IPO9: variants seen among roughly 807,000 people sequenced by gnomAD.
IPO9 encodes importin-9.
Under a neutral mutation model 128.6 loss-of-function variants are expected in IPO9, and 28 were observed. The ratio of observed to expected loss-of-function variants is 0.22; its 90% CI spans 0.16 to 0.30. The LOEUF is 0.30. IPO9 is among the 10% of genes least tolerant of loss of function. The pLI is 1.00. For synonymous variants in IPO9, 455 were observed against 475.8 expected, an observed-to-expected ratio of 0.96 and a Z score of 0.57; for missense variants, 935 against 1,293.9, an observed-to-expected ratio of 0.72 and a Z score of 4.26.
At chr1:201,830,877 ACTGT>A (rs1304554638) in intron 1 of IPO9, among the ~76,000 whole-genome samples, 3 of 152,242 alleles carry the variant, frequency 2.0e-5, no homozygotes, top group African/African-American at 4.8e-5. Flanking sequence ...TTGTATTTAA[ACTGT>A]CTTACAACAA....
At chr1:201,829,621 T>C in intron 1 of IPO9, 1 of 369,450 alleles carries the variant, frequency 2.7e-6, no homozygotes, top group Non-Finnish European at 4.9e-6. Flanking sequence ...CTTGAAAAGA[T>C]AGATGGAGCC....
At chr1:201,831,188 A>G (rs2102865092) in intron 1 of IPO9, among the ~76,000 whole-genome samples, 1 of 152,104 alleles carries the variant, frequency 6.6e-6, no homozygotes, top group East Asian at 1.9e-4. Flanking sequence ...CCTTTAAGTG[A>G]AAAATTAAAT....
chr1:201,847,536 C>T lies in IPO9; in HGVS notation c.226-16C>T. 6.2e-7 allele frequency: 1 copy of T among 1,608,782 alleles called. No homozygotes were observed. The highest frequency in any genetic ancestry group is 8.5e-7 in the Non-Finnish European group (1 of 1,175,354). ...ATCTTTTTCTTGCTGTACTACTTGG[C>T]TTATTCTCTTCACAGCTGGCATCAG... is the stretch of plus-strand genomic sequence containing the variant. On this transcript the variant is annotated splice_polypyrimidine_tract_variant and intron_variant, in intron 2 of 23. Coordinates refer to ENST00000361565, the MANE Select transcript of IPO9 (RefSeq NM_018085.5).
rs181751470 is a variant in IPO9 at position 201,845,319 on chromosome 1, A to T, written c.164-1960A>T. Among the ~76,000 whole-genome samples, 5 of 152,276 alleles carry T rather than the reference A, an allele frequency of 3.3e-5. No individual in the cohort carries two copies. In the East Asian group the frequency reaches 9.6e-4, roughly 29 times the overall value. On this transcript the variant is annotated intron_variant, in intron 1 of 23. Transcript: ENST00000361565. ...GCGTGAGCCACCTTTCCCGGCCCTG[A>T]TACCAATATTCTTATTTTGTGGGTG...
In IPO9 at chr1:201,863,550, G is replaced by C; in HGVS notation, c.1571G>C (p.Gly524Ala). ...IQQFLQATVS[G>A]LHETQPPSVR... The stretch of plus-strand genomic sequence containing the variant: ...CAGTTCCTACAGGCAACAGTTAGTG[G>C]TCTTCACGAGACACAGCCCCCATCA... The change falls in exon 14 of 24, where the codon GGT (glycine) becomes GCT (alanine). Residue 524 changes from glycine (G) to alanine (A), a missense_variant. Around this residue, in one of 3 missense-constraint regions of IPO9, gnomAD observed 741 missense variants for 1,019.1 expected, o/e 0.73. Coordinates refer to ENST00000361565, the MANE Select transcript of IPO9 (RefSeq NM_018085.5). 6.2e-7 allele frequency: 1 copy of C among 1,606,474 alleles called. No individual in the cohort carries two copies. Among genetic ancestry groups the C allele is most frequent in the East Asian group, 2.2e-5 (1 of 44,648 alleles).
In IPO9 at chr1:201,863,428, T is replaced by C. The variant is rs772224959; in HGVS notation, c.1469-20T>C. The stretch of plus-strand genomic sequence containing the variant: ...GGAATTTTCATTTTCCAGCCCCTAA[T>C]TGTTCTGTCTTTCTCCCAGTGTCTC... On this transcript the variant is annotated intron_variant, in intron 13 of 23. Transcript: ENST00000361565. 2.6e-6 allele frequency: 4 copies of C among 1,547,628 alleles called. No homozygotes were observed. The Admixed American group carries it at 6.9e-5, about 27-fold the overall frequency.
Position 201,876,169 on chromosome 1 carries a change from G to A in IPO9, c.*115G>A. ...ACCTAAAGTGGCATCTTGACCCTTGGCCCTTGGCCTCGGCAGTGACACTGA... is the reference window on the plus strand; with the variant it reads ...ACCTAAAGTGGCATCTTGACCCTTGACCCTTGGCCTCGGCAGTGACACTGA... On this transcript the variant is annotated 3_prime_UTR_variant, in exon 24 of 24. Coordinates refer to ENST00000361565, the MANE Select transcript of IPO9 (RefSeq NM_018085.5). 1.2e-6 allele frequency: 1 copy of A among 809,182 alleles called. No individual in the cohort carries two copies. The highest frequency in any genetic ancestry group is 2.2e-6 in the Non-Finnish European group (1 of 447,150). The allele number at this position is 809,182 out of a possible 1,614,324, so 50.1% of individuals were successfully genotyped here. A position where few individuals can be genotyped will look rare whatever the true frequency, so the allele number is the denominator to read the frequency against.
At chr1:201,841,316 A>C (rs1224367410) in intron 1 of IPO9, among the ~76,000 whole-genome samples, 1 of 152,196 alleles carries the variant, frequency 6.6e-6, no homozygotes, top group Non-Finnish European at 1.5e-5. Flanking sequence ...ATGGATTAAT[A>C]CTTCTGTAAT....
chr1:201,849,770 A>G (rs990004222), intron 4 of IPO9, among the ~76,000 whole-genome samples: 1 of 152,218 alleles, frequency 6.6e-6, no homozygotes, highest in African/African-American at 2.4e-5. Context: ...GCCTGTGACA[A>G]AGCTTCAGTT....
At position 201,874,872 on chromosome 1, in the gene IPO9, G is replaced by C. The variant is rs1273145082; in HGVS notation, c.2874G>C (p.Glu958Asp). 2.0e-6 allele frequency: 3 copies of C among 1,533,740 alleles called. No homozygotes were observed. The highest frequency in any genetic ancestry group is 1.1e-5 in the South Asian group (1 of 87,844). The change falls in exon 22 of 24, where the codon GAG (glutamate) becomes GAC (aspartate). Residue 958 changes from glutamate (E) to aspartate (D), a missense_variant. Physicochemically the swap from Glu to Asp is conservative, Grantham distance 45. Transcript: ENST00000361565. ...NDMWEDQEEE[E>D]EEEEDGLAGQ... ...TGTGGGAGGACCAGGAGGAGGAAGA[G>C]GAGGAGGAGGAGGATGGTTTAGCTG...
At position 201,829,307 on chromosome 1, in the gene IPO9, T is replaced by C; in HGVS notation, c.98T>C (p.Leu33Pro). The part of the protein sequence containing the change: ...EALVDTLTGI[L>P]SPVQEVRAAA... ...TTAGTGGATACGCTCACCGGGATCCTATCCCCAGTACAGGAGGTGCGGGCG... is the reference window on the plus strand; with the variant it reads ...TTAGTGGATACGCTCACCGGGATCCCATCCCCAGTACAGGAGGTGCGGGCG... Residue 33 changes from leucine to proline, a missense_variant, in exon 1 of 24, where the codon CTA becomes CCA. By Grantham distance (98) the Leu-to-Pro change is moderately conservative (BLOSUM62 -3). Around this residue, in one of 3 missense-constraint regions of IPO9, gnomAD observed 741 missense variants for 1,019.1 expected, o/e 0.73. Coordinates refer to ENST00000361565, the MANE Select transcript of IPO9 (RefSeq NM_018085.5). 6.3e-7 allele frequency: 1 copy of C among 1,597,376 alleles called. No homozygotes were observed. The highest frequency in any genetic ancestry group is 8.5e-7 in the Non-Finnish European group (1 of 1,173,068).
chr1:201,858,768 G>A, intron 12 of IPO9, 87 bp from the exon 13 acceptor site: 1 of 1,374,556 alleles, frequency 7.3e-7, no homozygotes, highest in Non-Finnish European at 1.0e-6. Flanking sequence ...TTGTGCTGGA[G>A]TGCCCTTTTC....
At chr1:201,830,424 T>C (rs527811793) in intron 1 of IPO9, among the ~76,000 whole-genome samples, 52 of 152,354 alleles carry the variant, frequency 3.4e-4, no homozygotes, top group African/African-American at 1.2e-3. Flanking sequence ...TAAATTTAGT[T>C]TACATTCTTT....
At chr1:201,872,412 G>A (rs1003366967) in intron 19 of IPO9, among the ~76,000 whole-genome samples, 8 of 151,836 alleles carry the variant, frequency 5.3e-5, no homozygotes, top group Non-Finnish European at 1.0e-4. Flanking sequence ...AGACCCACCC[G>A]GGCAACATGG....
intron 13 of IPO9, among the ~76,000 whole-genome samples, chr1:201,859,957 T>C (rs555181406): frequency 7.0e-6 from 1 of 142,164 alleles, no homozygotes; most frequent in Admixed American, 7.0e-5. Context: ...AGACTTGGTT[T>C]AAAAAAAAAA....
At chr1:201,845,141 C>G (rs1012418473) in intron 1 of IPO9, among the ~76,000 whole-genome samples, 1 of 152,006 alleles carries the variant, frequency 6.6e-6, no homozygotes, top group Non-Finnish European at 1.5e-5. Flanking sequence ...CTCAGCCTCT[C>G]GAGTAGCTGG....
intron 1 of IPO9, among the ~76,000 whole-genome samples, chr1:201,836,157 G>T (rs1381470599): frequency 7.2e-6 from 1 of 139,674 alleles, no homozygotes. Flanking sequence ...ACACCAATCA[G>T]TAAAACCAGA....
rs1466304519 is a variant in IPO9, at chr1:201,878,507, T to G, written c.*2453T>G. On this transcript the variant is annotated 3_prime_UTR_variant, in exon 24 of 24. Coordinates refer to ENST00000361565, the MANE Select transcript of IPO9 (RefSeq NM_018085.5). ...TAAATCCTTTGGCAAGGGTCCTTTC[T>G]GCTCTCATGCTGATTTGGGGGAGGA... 1 of 152,618 alleles carries G rather than the reference T, an allele frequency of 6.6e-6. No homozygotes were observed. Among genetic ancestry groups the G allele is most frequent in the African/African-American group, 2.4e-5 (1 of 41,438 alleles). 9.5% of individuals were successfully genotyped at this position (152,618 alleles called of 1,614,324 possible). A position where few individuals can be genotyped will look rare whatever the true frequency, so the allele number is the denominator to read the frequency against.
At position 201,871,335 on chromosome 1, in the gene IPO9, C is replaced by T. The variant is rs772643656; in HGVS notation, c.2576+8C>T. 2 of 1,533,168 alleles carry T rather than the reference C, an allele frequency of 1.3e-6. No homozygotes were observed. Among genetic ancestry groups the T allele is most frequent in the African/African-American group, 1.4e-5 (1 of 71,386 alleles). The allele number at this position is 1,533,168 out of a possible 1,614,324, so 95.0% of individuals were successfully genotyped here. ...GTATGAAGGCAAAGTCAGGTAGAAC[C>T]TCATCTTTCTTTTCTGGGCATTCTG... On this transcript the variant is annotated splice_region_variant and intron_variant, in intron 19 of 23. Coordinates refer to ENST00000361565, the MANE Select transcript of IPO9 (RefSeq NM_018085.5).
Sources: allele counts gnomAD v4.1 joint callset (sites outside exome capture counted in the v4.1 genomes callset), GRCh38; gene constraint gnomAD v4.1.1; regional missense constraint gnomAD v4.1.1; transcripts MANE v1.5; gene names NCBI Gene and HGNC (gene_info 2026-07-23, HGNC 2026-07-21).